Variants in TNFSF10 observed in about 807,000 individuals in gnomAD.
TNFSF10 encodes the protein tumor necrosis factor ligand superfamily member 10.
Under a neutral mutation model 29.5 loss-of-function variants are expected in TNFSF10, and 13 were observed. The observed-to-expected ratio is 0.44, with a 90% CI of 0.29 to 0.70. The LOEUF is 0.70. Among genes scored for constraint, TNFSF10 ranks in the 30% least tolerant of loss-of-function variants. TNFSF10 has a pLI of 0.13. For synonymous variants in TNFSF10, 111 were observed against 112.8 expected (o/e 0.98, Z 0.10); for missense variants, 345 against 330.9 (o/e 1.04, Z -0.33).
chr3:172,522,173 C>T (rs922087345), intron 1 of TNFSF10: 12 of 359,764 alleles, frequency 3.3e-5, no homozygotes, highest in Admixed American at 7.8e-5. Flanking sequence ...CAAACCTGCA[C>T]GTTCTGTACA....
chr3:172,523,313 C>T lies in TNFSF10; in HGVS notation c.72G>A (p.Val24=). Residue 24 remains valine (V), a synonymous_variant, in exon 1 of 5, where the codon GTG becomes GTA. Transcript: ENST00000241261. ...QTCVLIVIFT[V]LLQSLCVAVT... is the part of the protein sequence containing the mutation. ...CAGCCACACAGAGAGACTGCAGGAG[C>T]ACTGTGAAGATCACGATCAGCACGC... is the stretch of plus-strand genomic sequence containing the variant. 6.2e-7 allele frequency: 1 copy of T among 1,614,116 alleles called. No homozygotes were observed. The highest frequency in any genetic ancestry group is 8.5e-7 in the Non-Finnish European group (1 of 1,179,958).
chr3:172,517,202 G>C (rs1028651312), intron 1 of TNFSF10, among the ~76,000 whole-genome samples: 1 of 152,230 alleles, frequency 6.6e-6, no homozygotes, highest in Admixed American at 6.5e-5. Flanking sequence ...AATGGCAGCA[G>C]GCAACAACTT....
At chr3:172,518,004 G>A (rs1713509890) in intron 1 of TNFSF10, 1 of 987,012 alleles carries the variant, frequency 1.0e-6, no homozygotes, top group Admixed American at 6.1e-5. Flanking sequence ...CAATGCTGGT[G>A]ACTAGACACA....
rs1484170561 is a variant in TNFSF10 at position 172,509,243 on chromosome 3, C to A, written c.392G>T (p.Gly131Val). ...TGGAGAAGACAATGTGTTGCTTCTTCCTCTGGTCCCAGTTATGTGAGCTGC... is the reference window on the plus strand; with the variant it reads ...TGGAGAAGACAATGTGTTGCTTCTTACTCTGGTCCCAGTTATGTGAGCTGC... ...RVAAHITGTR[G>V]RSNTLSSPNS... Residue 131 changes from glycine (G) to valine (V), a missense_variant, in exon 4 of 5, where the codon GGA (glycine) becomes GTA (valine). Coordinates refer to ENST00000241261, the MANE Select transcript of TNFSF10 (RefSeq NM_003810.4). 6.2e-7 allele frequency: 1 copy of A among 1,613,746 alleles called. No individual in the cohort carries two copies. Among genetic ancestry groups the A allele is most frequent in the East Asian group, 2.2e-5 (1 of 44,840 alleles).
chr3:172,523,110 T>A (rs2108452534), intron 1 of TNFSF10, 143 bp downstream of exon 1: 1 of 1,015,824 alleles, frequency 9.8e-7, no homozygotes, highest in Non-Finnish European at 1.3e-6. Context: ...ACCTCAGTTG[T>A]TATGTGATTT....
At chr3:172,516,035 G>T (rs1269962489) in intron 1 of TNFSF10, among the ~76,000 whole-genome samples, 1 of 152,086 alleles carries the variant, frequency 6.6e-6, no homozygotes, top group Non-Finnish European at 1.5e-5. Context: ...GGCCGAGGCG[G>T]GTGAATCACA....
intron 1 of TNFSF10, among the ~76,000 whole-genome samples, chr3:172,521,386 G>C (rs1356729713): frequency 6.6e-6 from 1 of 152,060 alleles, no homozygotes; most frequent in African/African-American, 2.4e-5. Context: ...TCAAAAAGTG[G>C]GCAAAAGATA....
chr3:172,509,410 G>A (rs1430880332), intron 3 of TNFSF10, 89 bp from the exon 4 acceptor site: 6 of 890,228 alleles, frequency 6.7e-6, no homozygotes, highest in East Asian at 2.6e-5. Context: ...ATCAGCCATC[G>A]TAAGCATACT....
chr3:172,518,135 C>T (rs989058969), intron 1 of TNFSF10: 2 of 1,054,244 alleles, frequency 1.9e-6, no homozygotes, highest in African/African-American at 3.4e-5. Context: ...ATATCATAGG[C>T]TGAGGCTATA....
chr3:172,515,248 C>G (rs1713384090), intron 1 of TNFSF10, among the ~76,000 whole-genome samples: 1 of 151,856 alleles, frequency 6.6e-6, no homozygotes, highest in Admixed American at 6.6e-5. Flanking sequence ...TCACAGTGTC[C>G]TTCCCTGCCT....
rs1171790475 is a variant in TNFSF10, at chr3:172,506,375, TTGTTTTC to T, written c.*110_*116del. The T allele has an allele frequency of 1.4e-5, 19 of 1,324,272 alleles. No homozygotes were observed. The highest frequency in any genetic ancestry group is 3.1e-5 in the South Asian group (2 of 63,686). The allele number at this position is 1,324,272 out of a possible 1,614,324, so 82.0% of individuals were successfully genotyped here. On this transcript the variant is annotated 3_prime_UTR_variant, in exon 5 of 5. Coordinates refer to ENST00000241261, the MANE Select transcript of TNFSF10 (RefSeq NM_003810.4). ...CTACTCAGATTGCATAGAGGTTTTT[TTGTTTTC>T]TGTTTTCTGTTTGTTTGTTTTGGTC...
intron 1 of TNFSF10, among the ~76,000 whole-genome samples, chr3:172,517,068 G>A (rs1386913838): frequency 1.3e-5 from 2 of 152,226 alleles, no homozygotes; most frequent in African/African-American, 4.8e-5. Context: ...CAGAAAGGAG[G>A]GAGCGGTATG....
chr3:172,511,084 C>T (rs769192633), intron 3 of TNFSF10, among the ~76,000 whole-genome samples: 9 of 151,960 alleles, frequency 5.9e-5, no homozygotes, highest in African/African-American at 1.9e-4. Context: ...AGAGGTGGGT[C>T]GAGAGAAGGC....
rs78577842 is a variant in TNFSF10, at chr3:172,515,597, G to A, written c.133-599C>T. The stretch of plus-strand genomic sequence containing the variant: ...TGTTGCCACTAGAAATCTGAATGCT[G>A]TCTCATTAAATGTTTACACTAACTA... On this transcript the variant is annotated intron_variant, in intron 1 of 4. Transcript: ENST00000241261. Among the ~76,000 whole-genome samples, 6 of 152,278 alleles carry A rather than the reference G, an allele frequency of 3.9e-5. No homozygotes were observed. In the East Asian group the frequency reaches 1.2e-3, roughly 29 times the overall value.
At chr3:172,509,411 T>A in intron 3 of TNFSF10, 90 bp from the exon 4 acceptor site, 1 of 883,384 alleles carries the variant, frequency 1.1e-6, no homozygotes, top group Non-Finnish European at 1.7e-6. Flanking sequence ...TCAGCCATCG[T>A]AAGCATACTG....
intron 1 of TNFSF10, among the ~76,000 whole-genome samples, chr3:172,521,831 T>C (rs1415793184): frequency 6.6e-6 from 1 of 152,240 alleles, no homozygotes; most frequent in Non-Finnish European, 1.5e-5. Context: ...AAAGAAAATG[T>C]GGCACATATA....
chr3:172,518,397 A>G lies in TNFSF10; in HGVS notation c.133-3399T>C, dbSNP rs1206606218. On this transcript the variant is annotated intron_variant, in intron 1 of 4. Coordinates refer to ENST00000241261, the MANE Select transcript of TNFSF10 (RefSeq NM_003810.4). Reference sequence around the variant, plus strand: ...CAGCAGGGTAGACTCAGCAAGGTAGACTTCAAGATGGCAGCAATGACCCTG... The same window carrying G: ...CAGCAGGGTAGACTCAGCAAGGTAGGCTTCAAGATGGCAGCAATGACCCTG... 7.0e-6 allele frequency: 9 copies of G among 1,288,886 alleles called. No individual in the cohort carries two copies. The Admixed American group carries it at 1.6e-4, about 23-fold the overall frequency. 79.8% of individuals were successfully genotyped at this position (1,288,886 alleles called of 1,614,324 possible). A position where few individuals can be genotyped will look rare whatever the true frequency, so the allele number is the denominator to read the frequency against.
intron 2 of TNFSF10, among the ~76,000 whole-genome samples, chr3:172,512,066 G>A (rs1713247371): frequency 2.0e-5 from 3 of 152,156 alleles, no homozygotes; most frequent in South Asian, 2.1e-4. Context: ...GTGTGTATAA[G>A]TGCACTGGGT....
At chr3:172,512,192 C>A (rs1713252671) in intron 2 of TNFSF10, among the ~76,000 whole-genome samples, 1 of 152,194 alleles carries the variant, frequency 6.6e-6, no homozygotes, top group South Asian at 2.1e-4. Flanking sequence ...TATAACCTGA[C>A]AACACCGTGT....
Sources: allele counts gnomAD v4.1 joint callset (sites outside exome capture counted in the v4.1 genomes callset), GRCh38; gene constraint gnomAD v4.1.1; transcripts MANE v1.5; gene names NCBI Gene and HGNC (gene_info 2026-07-23, HGNC 2026-07-21).